Variants in TRIM36 observed in about 807,000 individuals in gnomAD.
The protein encoded by TRIM36 is tripartite motif containing 36, also known as E3 ubiquitin-protein ligase TRIM36.
A neutral mutation model predicts 72.4 loss-of-function variants in TRIM36; 42 were observed. The observed-to-expected ratio is 0.58, with a 90% CI of 0.45 to 0.75. The LOEUF is 0.75. Ranked by LOEUF, TRIM36 falls within the 30% of genes least tolerant of loss-of-function variation. The pLI is 0.00. For missense variants in TRIM36, 913 were observed against 857.1 expected (o/e 1.07, Z -0.81); for synonymous variants, 315 against 282.8 (o/e 1.11, Z -1.14).
At chr5:115,133,589 T>C (rs1298346952) in intron 8 of TRIM36, among the ~76,000 whole-genome samples, 2 of 152,234 alleles carry the variant, frequency 1.3e-5, no homozygotes, top group African/African-American at 4.8e-5. Flanking sequence ...AATCCCAACT[T>C]ACTAGCTCTG....
At chr5:115,154,950 C>T (rs1754094169) in intron 2 of TRIM36, among the ~76,000 whole-genome samples, 1 of 151,906 alleles carries the variant, frequency 6.6e-6, no homozygotes, top group Non-Finnish European at 1.5e-5. Flanking sequence ...AAGGCTGAGG[C>T]AGGCAGATCC....
Position 115,126,301 on chromosome 5 carries a change from T to A in TRIM36, c.*202A>T, listed in dbSNP as rs1017913021. On this transcript the variant is annotated 3_prime_UTR_variant, in exon 10 of 10. Coordinates refer to ENST00000513154, the MANE Select transcript of TRIM36 (RefSeq NM_001300759.2). Reference sequence around the variant, plus strand: ...CTTCAGTATTAACTTGGAAAGAACATCTTCACTTTCATCATTTGTGAAAGG... The same window carrying A: ...CTTCAGTATTAACTTGGAAAGAACAACTTCACTTTCATCATTTGTGAAAGG... 1.9e-6 allele frequency: 1 copy of A among 538,346 alleles called. No individual in the cohort carries two copies. The highest frequency in any genetic ancestry group is 3.3e-6 in the Non-Finnish European group (1 of 306,364). The allele number at this position is 538,346 out of a possible 1,614,324, so 33.3% of individuals were successfully genotyped here. A position where few individuals can be genotyped will look rare whatever the true frequency, so the allele number is the denominator to read the frequency against.
At chr5:115,180,051 C>T in exon 1 of TRIM36, 1 of 1,612,922 alleles carries the variant, frequency 6.2e-7, no homozygotes, top group Non-Finnish European at 8.5e-7. Flanking sequence ...TACACCCCTT[C>T]ACAAACTCTG....
chr5:115,133,730 C>T, intron 8 of TRIM36, 130 bp downstream of exon 8: 2 of 903,778 alleles, frequency 2.2e-6, no homozygotes, highest in Non-Finnish European at 3.1e-6. Context: ...ATAGAAGCTA[C>T]TTTTCTGGAG....
chr5:115,171,117 G>T (rs758209969), upstream of TRIM36: 2 of 1,614,242 alleles, frequency 1.2e-6, no homozygotes, highest in Non-Finnish European at 1.7e-6. Flanking sequence ...GTTTTAAAAT[G>T]CTTCCCACTT....
At chr5:115,130,976 T>C (rs1458489121) in intron 8 of TRIM36, 87 bp from the exon 9 acceptor site, 1 of 1,433,762 alleles carries the variant, frequency 7.0e-7, no homozygotes, top group Admixed American at 2.3e-5. Context: ...CAGAAATTAC[T>C]GAAGAGAGAC....
chr5:115,179,076 C>T (rs767582641), intron 1 of TRIM36, among the ~76,000 whole-genome samples: 4 of 152,194 alleles, frequency 2.6e-5, no homozygotes, highest in East Asian at 1.9e-4. Flanking sequence ...AAGCTCCAGG[C>T]GCAGAGGGCA....
intron 9 of TRIM36, among the ~76,000 whole-genome samples, chr5:115,129,718 G>T (rs1442400421): frequency 1.3e-5 from 2 of 152,156 alleles, no homozygotes; most frequent in Non-Finnish European, 2.9e-5. Context: ...CATCATGGAT[G>T]TATGAAGCAA....
rs1266642039 is a variant in TRIM36 at position 115,130,592 on chromosome 5, C to T, written c.1796G>A (p.Arg599Lys). Residue 599 changes from arginine (R) to lysine (K), a missense_variant and splice_region_variant, in exon 9 of 10, where the codon AGA becomes AAA. Coordinates refer to ENST00000513154, the MANE Select transcript of TRIM36 (RefSeq NM_001300759.2). ...GTTCTAGATCAATACAAAAACCTAC[C>T]TTGGACTAACTGCATCCCGGGGAGA... is the stretch of plus-strand genomic sequence containing the variant. Reference protein sequence around the residue: ...LRSPRDAVSPRYEQDSGHDSG... With the variant: ...LRSPRDAVSPKYEQDSGHDSG... 1.9e-6 allele frequency: 3 copies of T among 1,612,830 alleles called. No homozygotes were observed. Among genetic ancestry groups the T allele is most frequent in the South Asian group, 1.1e-5 (1 of 90,902 alleles).
intron 2 of TRIM36, among the ~76,000 whole-genome samples, chr5:115,152,936 C>G (rs933100279): frequency 1.3e-5 from 2 of 151,980 alleles, no homozygotes; most frequent in Non-Finnish European, 2.9e-5. Context: ...CACACAGGAC[C>G]TATAAAACAA....
At position 115,137,481 on chromosome 5, in the gene TRIM36, G is replaced by C; in HGVS notation, c.967C>G (p.Gln323Glu). ...KKLRLDKFQT[Q>E]MEEYQGLLEN... The stretch of plus-strand genomic sequence containing the variant: ...AGAAGTCCCTGGTACTCTTCCATTT[G>C]AGTCTGAAATTTGTCTAATCTTAGT... Residue 323 changes from glutamine (Q) to glutamate (E), a missense_variant, in exon 6 of 10, where the codon CAA (glutamine) becomes GAA (glutamate). Transcript: ENST00000513154. The C allele has an allele frequency of 6.2e-7, 1 of 1,614,122 alleles. No individual in the cohort carries two copies. The highest frequency in any genetic ancestry group is 8.5e-7 in the Non-Finnish European group (1 of 1,180,020).
In TRIM36 at chr5:115,177,713, C is replaced by T. The variant is rs1460302181; in HGVS notation, c.63+2262G>A. On this transcript the variant is annotated intron_variant, in intron 1 of 9. Transcript: ENST00000282369. Reference sequence around the variant, plus strand: ...AGGAGCCTACTCCAGACCAACTCTCCCCCTCCAACCCCCACAAAACAGAGA... The same window carrying T: ...AGGAGCCTACTCCAGACCAACTCTCTCCCTCCAACCCCCACAAAACAGAGA... 6.2e-6 allele frequency: 10 copies of T among 1,613,746 alleles called. No homozygotes were observed. In the East Asian group the frequency reaches 1.3e-4, roughly 22 times the overall value.
upstream of TRIM36, among the ~76,000 whole-genome samples, chr5:115,171,463 A>G (rs556443470): frequency 1.1e-4 from 17 of 152,182 alleles, no homozygotes; most frequent in Non-Finnish European, 2.1e-4. Flanking sequence ...TGCCTGCGTG[A>G]ATTAGGTGCC....
chr5:115,145,351 A>G (rs183746348), intron 3 of TRIM36, among the ~76,000 whole-genome samples: 1 of 152,298 alleles, frequency 6.6e-6, no homozygotes. Flanking sequence ...ATCATAGAGG[A>G]TTAAAAGCTA....
In TRIM36 at chr5:115,163,605, C is replaced by T; in HGVS notation, c.175G>A (p.Val59Met). 1 of 1,614,170 alleles carries T rather than the reference C, an allele frequency of 6.2e-7. No homozygotes were observed. The highest frequency in any genetic ancestry group is 8.5e-7 in the Non-Finnish European group (1 of 1,180,016). The change falls in exon 2 of 10, where the codon GTG becomes ATG. Residue 59 changes from valine (V) to methionine (M), a missense_variant. Val to Met is a conservative substitution (Grantham distance 21). Coordinates refer to ENST00000513154, the MANE Select transcript of TRIM36 (RefSeq NM_001300759.2). ...CTTTGATTGGAGTTGTCTGATCCCA[C>T]ATCGTTGAATGAATCATCGAGAGTC... ...LLTLDDSFND[V>M]GSDNSNQSSP...
Position 115,134,120 on chromosome 5 carries a change from T to A in TRIM36, c.1238A>T (p.Glu413Val), listed in dbSNP as rs1019627362. The change falls in exon 8 of 10, where the codon GAA becomes GTA. Residue 413 changes from glutamate (E) to valine (V), a missense_variant. Physicochemically the swap from Glu to Val is moderately radical, Grantham distance 121. Transcript: ENST00000513154. ...SGIDVPEINE[E>V]QSKVYNNALI... ...GGCATTGTTATAAACTTTGCTCTGT[T>A]CCTCATTGATCTCTGGCACGTCTAT... 5.6e-6 allele frequency: 9 copies of A among 1,600,344 alleles called. No individual in the cohort carries two copies. The highest frequency in any genetic ancestry group is 7.7e-6 in the Non-Finnish European group (9 of 1,172,966).
chr5:115,133,879 A>T lies in TRIM36; in HGVS notation c.1479T>A (p.Leu493=). Residue 493 remains leucine (L), a synonymous_variant, in exon 8 of 10, where the codon CTT becomes CTA. Coordinates refer to ENST00000513154, the MANE Select transcript of TRIM36 (RefSeq NM_001300759.2). ...CCATACCTGGAGCTGGAGGAGTATG[A>T]AGAATCAATTCTCTGCTGCAAGGAC... The part of the protein sequence containing the change: ...ICSPCSRELI[L]HTPPAPVFSF... 1 of 1,600,620 alleles carries T rather than the reference A, an allele frequency of 6.2e-7. No homozygotes were observed.
intron 2 of TRIM36, among the ~76,000 whole-genome samples, chr5:115,163,215 C>A (rs977486094): frequency 6.6e-6 from 1 of 152,118 alleles, no homozygotes; most frequent in Non-Finnish European, 1.5e-5. Flanking sequence ...ACATGGCCTC[C>A]CAAAGTGCTG....
At chr5:115,178,946 G>A (rs911916430) in intron 1 of TRIM36, among the ~76,000 whole-genome samples, 2 of 152,204 alleles carry the variant, frequency 1.3e-5, no homozygotes, top group Admixed American at 6.5e-5. Context: ...CGGCGTTGGA[G>A]TTAGTGGGGT....
Sources: gnomAD v4.1 joint callset for allele counts (sites outside exome capture counted in the v4.1 genomes callset) on GRCh38, gnomAD v4.1.1 for gene constraint, MANE v1.5 for transcripts, NCBI Gene and HGNC (gene_info 2026-07-23, HGNC 2026-07-21) for gene names.